Variants in PLCE1 observed in about 807,000 individuals in gnomAD.
PLCE1 encodes 1-phosphatidylinositol 4,5-bisphosphate phosphodiesterase epsilon-1.
Under a neutral mutation model 242.8 loss-of-function variants are expected in PLCE1, and 119 were observed. The ratio of observed to expected loss-of-function variants is 0.49; its 90% CI spans 0.42 to 0.57. PLCE1 has a LOEUF of 0.57. PLCE1 is among the 20% of genes least tolerant of loss of function. The pLI, the probability that PLCE1 is intolerant of heterozygous loss-of-function variation, is 0.00. For synonymous variants in PLCE1, 945 were observed against 1,017.4 expected, an observed-to-expected ratio of 0.93 and a Z score of 1.35; for missense variants, 2,441 against 2,788.8, an observed-to-expected ratio of 0.88 and a Z score of 2.81.
chr10:94,063,740 G>T (rs559304195), intron 2 of PLCE1, among the ~76,000 whole-genome samples: 1 of 152,296 alleles, frequency 6.6e-6, no homozygotes, highest in Admixed American at 6.5e-5. Flanking sequence ...AGAAGTGTTT[G>T]AAGAAAAAAG....
At chr10:94,316,405 T>C (rs2053574763) in intron 28 of PLCE1, 142 bp from the exon 29 acceptor site, 2 of 647,728 alleles carry the variant, frequency 3.1e-6, no homozygotes, top group African/African-American at 3.6e-5. Flanking sequence ...AGAGAATTCT[T>C]AGATCTTCCA....
chr10:94,220,373 A>AT (rs1371080797), intron 4 of PLCE1, among the ~76,000 whole-genome samples: 2 of 46,700 alleles, frequency 4.3e-5, no homozygotes, highest in Non-Finnish European at 7.9e-5. Flanking sequence ...AAAACTAAAC[A>AT]TTTTATATAT....
intron 2 of PLCE1, among the ~76,000 whole-genome samples, chr10:94,113,918 T>C (rs2046035126): frequency 6.6e-6 from 1 of 152,106 alleles, no homozygotes; most frequent in Non-Finnish European, 1.5e-5. Flanking sequence ...TGGGCATCGT[T>C]GAAGATAATT....
rs1318965929 is a variant in PLCE1, at chr10:94,262,542, A to C, written c.3863A>C (p.Lys1288Thr). ...VSDLGLFIKS[K>T]QQLSDNQRQI... ...GATTTGGGGTTGTTCATTAAGAGTA[A>C]ACAGCAGCTATCGGACAACCAGAGG... The change falls in exon 14 of 33, where the codon AAA (lysine) becomes ACA (threonine). Residue 1288 changes from lysine (K) to threonine (T), a missense_variant. This residue lies in a region of PLCE1 where 1,004 missense variants were observed against 1,322.7 expected (regional missense o/e 0.76). Coordinates refer to ENST00000371380, the MANE Select transcript of PLCE1 (RefSeq NM_016341.4). 1 of 1,614,070 alleles carries C rather than the reference A, an allele frequency of 6.2e-7. No individual in the cohort carries two copies. Among genetic ancestry groups the C allele is most frequent in the Non-Finnish European group, 8.5e-7 (1 of 1,179,952 alleles).
intron 2 of PLCE1, among the ~76,000 whole-genome samples, chr10:94,066,804 A>C (rs778577509): frequency 6.6e-6 from 1 of 152,160 alleles, no homozygotes; most frequent in Admixed American, 6.6e-5. Context: ...GATGACACAC[A>C]ATTTCATGGT....
intron 3 of PLCE1, among the ~76,000 whole-genome samples, chr10:94,158,076 T>G (rs2047489152): frequency 6.6e-6 from 1 of 152,140 alleles, no homozygotes; most frequent in African/African-American, 2.4e-5. Flanking sequence ...ATATGTTAAA[T>G]AATATTATAA....
At chr10:94,230,692 C>A (rs2050113705) in intron 5 of PLCE1, among the ~76,000 whole-genome samples, 1 of 152,056 alleles carries the variant, frequency 6.6e-6, no homozygotes, top group African/African-American at 2.4e-5. Flanking sequence ...CTCACTGTAA[C>A]CTCTTACCCT....
At chr10:94,153,747 T>C (rs1208415708) in intron 3 of PLCE1, among the ~76,000 whole-genome samples, 3 of 151,888 alleles carry the variant, frequency 2.0e-5, no homozygotes, top group Non-Finnish European at 4.4e-5. Context: ...AATCCAAAAA[T>C]GAAATCAAGA....
chr10:94,082,556 A>G (rs1401222188), intron 2 of PLCE1, among the ~76,000 whole-genome samples: 2 of 152,112 alleles, frequency 1.3e-5, no homozygotes, highest in Non-Finnish European at 2.9e-5. Flanking sequence ...ATTCCCCTCT[A>G]CTTTACCTCA....
At chr10:94,109,825 T>A (rs1421878519) in intron 2 of PLCE1, among the ~76,000 whole-genome samples, 1 of 151,648 alleles carries the variant, frequency 6.6e-6, no homozygotes, top group African/African-American at 2.4e-5. Context: ...TCCACTGCAA[T>A]GTTCTCTATT....
Position 94,176,647 on chromosome 10 carries a change from G to A in PLCE1, c.1809+5151G>A, listed in dbSNP as rs189203908. 5.5e-4 allele frequency among the ~76,000 whole-genome samples: 84 copies of A among 152,218 alleles called. 1 individual carries two copies. Among genetic ancestry groups the A allele is most frequent in the Non-Finnish European group, 5.7e-4 (39 of 68,010 alleles). On this transcript the variant is annotated intron_variant, in intron 4 of 32. Coordinates refer to ENST00000371380, the MANE Select transcript of PLCE1 (RefSeq NM_016341.4). ...GAAAGAGAATATTAGCTCCATTGCC[G>A]GTGCTAGTCACTTGGGGTGGGGGGA...
chr10:94,111,727 G>T (rs2045961974), intron 2 of PLCE1, among the ~76,000 whole-genome samples: 1 of 152,226 alleles, frequency 6.6e-6, no homozygotes, highest in Admixed American at 6.5e-5. Flanking sequence ...GTGGATCAAA[G>T]AATGTACACT....
chr10:94,005,864 A>G (rs961560006), intron 1 of PLCE1, among the ~76,000 whole-genome samples: 3 of 152,154 alleles, frequency 2.0e-5, no homozygotes, highest in Non-Finnish European at 4.4e-5. Flanking sequence ...GTCTTTCCCA[A>G]TAGAGTGTAT....
chr10:94,150,230 T>C (rs968663117), intron 3 of PLCE1, among the ~76,000 whole-genome samples: 2 of 152,192 alleles, frequency 1.3e-5, no homozygotes, highest in African/African-American at 4.8e-5. Flanking sequence ...CAAAACAACC[T>C]GGCAAGGTAG....
intron 3 of PLCE1, among the ~76,000 whole-genome samples, chr10:94,167,246 A>T (rs1011826780): frequency 2.6e-5 from 4 of 152,142 alleles, no homozygotes; most frequent in Admixed American, 2.0e-4. Flanking sequence ...ACTGCACTCC[A>T]GCCTGGATGA....
chr10:94,204,028 T>A (rs2049064299), intron 4 of PLCE1, among the ~76,000 whole-genome samples: 1 of 152,238 alleles, frequency 6.6e-6, no homozygotes, highest in Admixed American at 6.5e-5. Context: ...TTGGACTCTT[T>A]GTTAACACAT....
chr10:94,069,486 G>A (rs2044291076), intron 2 of PLCE1, among the ~76,000 whole-genome samples: 1 of 152,132 alleles, frequency 6.6e-6, no homozygotes, highest in Non-Finnish European at 1.5e-5. Flanking sequence ...GGTGGCACAT[G>A]CCTGTAGTCC....
At chr10:94,119,474 A>C (rs746328423) in intron 2 of PLCE1, among the ~76,000 whole-genome samples, 2 of 152,130 alleles carry the variant, frequency 1.3e-5, no homozygotes, top group Non-Finnish European at 2.9e-5. Context: ...GTTCCTGTTT[A>C]TCTCCCCAAA....
chr10:94,279,867 A>T lies in PLCE1; in HGVS notation c.4751A>T (p.Asp1584Val). 1 of 1,613,772 alleles carries T rather than the reference A, an allele frequency of 6.2e-7. No homozygotes were observed. The highest frequency in any genetic ancestry group is 8.5e-7 in the Non-Finnish European group (1 of 1,179,696). Residue 1584 changes from aspartate to valine, a missense_variant, in exon 20 of 33, where the codon GAT becomes GTT. Coordinates refer to ENST00000371380, the MANE Select transcript of PLCE1 (RefSeq NM_016341.4). Reference sequence around the variant, plus strand: ...CCTGCCAATAATGAGGAAGAGGAAGATGAGGAGGACGAATATGATTATGAC... The same window carrying T: ...CCTGCCAATAATGAGGAAGAGGAAGTTGAGGAGGACGAATATGATTATGAC... ...PRPANNEEEE[D>V]EEDEYDYDYE...
Sources: gnomAD v4.1 joint callset for allele counts (sites outside exome capture counted in the v4.1 genomes callset) on GRCh38, gnomAD v4.1.1 for gene constraint, gnomAD v4.1.1 regional missense constraint, MANE v1.5 for transcripts, NCBI Gene and HGNC (gene_info 2026-07-23, HGNC 2026-07-21) for gene names.